The following CNNM2 variants were observed in gnomAD, a reference collection of about 807,000 sequenced individuals.
CNNM2 encodes the protein cyclin and CBS domain divalent metal cation transport mediator 2, also known as metal transporter CNNM2.
In CNNM2, 12 loss-of-function variants were observed where a neutral mutation model predicts 66.9. The ratio of observed to expected loss-of-function variants is 0.18; its 90% confidence interval spans 0.11 to 0.29. CNNM2 has a LOEUF of 0.29. Ranked by LOEUF, CNNM2 falls within the 10% of genes least tolerant of loss-of-function variation. The pLI, the probability that CNNM2 is intolerant of heterozygous loss-of-function variation, is 1.00. For missense variants in CNNM2, 705 were observed against 1,167.7 expected (o/e 0.60, Z 5.77); for synonymous variants, 557 against 501.8 (o/e 1.11, Z -1.47).
intron 4 of CNNM2, among the ~76,000 whole-genome samples, chr10:103,062,363 A>G (rs1052768840): frequency 1.3e-5 from 2 of 152,186 alleles, no homozygotes; most frequent in Admixed American, 1.3e-4. Context: ...TTAAGCTTTT[A>G]ATAGCAACCT....
chr10:102,978,577 T>C (rs139418228), intron 1 of CNNM2, among the ~76,000 whole-genome samples: 1 of 152,324 alleles, frequency 6.6e-6, no homozygotes, highest in East Asian at 1.9e-4. Context: ...CTTGCTGTTT[T>C]ATCTTTGCCT....
chr10:103,068,746 A>G (rs776125123), intron 5 of CNNM2, 24 bp downstream of exon 5: 1 of 1,569,332 alleles, frequency 6.4e-7, no homozygotes, highest in South Asian at 1.1e-5. Context: ...CCAGCCGCAT[A>G]GGGCAGGACC....
intron 6 of CNNM2, among the ~76,000 whole-genome samples, chr10:103,073,868 C>CAAAAAAAAAAA (rs61331007): frequency 1.4e-5 from 1 of 70,240 alleles, no homozygotes; most frequent in Admixed American, 2.2e-4. Context: ...GACTCCGTCT[C>CAAAAAAAAAAA]AAAAAAAAAA....
chr10:102,918,438 C>A lies in CNNM2; in HGVS notation c.-43C>A. ...CAGGGGCCGGTACCTGCGCTCGCGC[C>A]GCCGGGTTGAAAGGATGAAGCCGCA... On this transcript the variant is annotated 5_prime_UTR_variant, in exon 1 of 8. Coordinates refer to ENST00000369878, the MANE Select transcript of CNNM2 (RefSeq NM_017649.5). This position sits in a 1 kb window ranked among gnomAD's most constrained non-coding sequence, Gnocchi z 4.1. 6.3e-7 allele frequency: 1 copy of A among 1,579,048 alleles called. No homozygotes were observed. Among genetic ancestry groups the A allele is most frequent in the Middle Eastern group, 1.7e-4 (1 of 5,762 alleles).
intron 1 of CNNM2, among the ~76,000 whole-genome samples, chr10:102,992,501 G>A (rs1030223368): frequency 6.6e-6 from 1 of 151,968 alleles, no homozygotes; most frequent in African/African-American, 2.4e-5. Context: ...TCGAACTCCT[G>A]ATCTCGAAGT....
At chr10:103,075,481 C>T (rs888763275) in intron 6 of CNNM2, among the ~76,000 whole-genome samples, 1 of 152,156 alleles carries the variant, frequency 6.6e-6, no homozygotes, top group African/African-American at 2.4e-5. Context: ...ATAACTTACT[C>T]AAACTCGTTA....
intron 5 of CNNM2, among the ~76,000 whole-genome samples, chr10:103,069,116 G>A (rs552699426): frequency 7.9e-5 from 12 of 152,192 alleles, no homozygotes; most frequent in South Asian, 2.1e-4. Context: ...TCTCTGTGTC[G>A]TGCTTGTCAC....
chr10:103,012,069 A>C (rs79701627), intron 1 of CNNM2, among the ~76,000 whole-genome samples: 1 of 152,166 alleles, frequency 6.6e-6, no homozygotes, highest in East Asian at 1.9e-4. Flanking sequence ...CACACTCTTC[A>C]GAGGCAGCCA....
intron 1 of CNNM2, among the ~76,000 whole-genome samples, chr10:102,987,434 CCCCAGCCT>C (rs2063817543): frequency 6.6e-6 from 1 of 152,114 alleles, no homozygotes; most frequent in Non-Finnish European, 1.5e-5. Flanking sequence ...CATTCTCCTG[CCCCAGCCT>C]CCTGAGTAGC....
At chr10:102,934,783 G>C (rs563097738) in intron 1 of CNNM2, among the ~76,000 whole-genome samples, 2 of 151,558 alleles carry the variant, frequency 1.3e-5, no homozygotes, top group African/African-American at 2.4e-5. Context: ...GTTCAAGGCT[G>C]CAGTGAGCAA....
intron 1 of CNNM2, among the ~76,000 whole-genome samples, chr10:102,973,821 C>A (rs1036942470): frequency 6.7e-6 from 1 of 148,390 alleles, no homozygotes; most frequent in Non-Finnish European, 1.5e-5. Context: ...TGTATTCCCC[C>A]CCCCCCTTTT....
intron 1 of CNNM2, chr10:103,027,565 A>G (rs1191268986): frequency 6.6e-6 from 1 of 152,212 alleles, no homozygotes; most frequent in Non-Finnish European, 1.5e-5. Flanking sequence ...GCTATATTGA[A>G]CTTTAAAGCA....
intron 1 of CNNM2, among the ~76,000 whole-genome samples, chr10:102,936,436 C>T (rs1564812040): frequency 6.6e-6 from 1 of 151,292 alleles, no homozygotes; most frequent in African/African-American, 2.4e-5. Flanking sequence ...TTAGTCATTG[C>T]TTTTCATCTT....
At chr10:102,950,353 G>A (rs1310640773) in intron 1 of CNNM2, among the ~76,000 whole-genome samples, 2 of 152,162 alleles carry the variant, frequency 1.3e-5, no homozygotes, top group East Asian at 1.9e-4. Context: ...TAATTCACTT[G>A]TGGAAATAAT....
rs969932930 is a variant in CNNM2 at position 103,085,237 on chromosome 10, A to G, written c.*8057A>G. On this transcript the variant is annotated 3_prime_UTR_variant, in exon 8 of 8. Coordinates refer to ENST00000369878, the MANE Select transcript of CNNM2 (RefSeq NM_017649.5). ...ATGATAGGAAATTTTAGATGGGGCC[A>G]GTTTTCCTACTGCAGTTCTACTAAG... 11 of 152,228 alleles carry G rather than the reference A, an allele frequency of 7.2e-5. No individual in the cohort carries two copies. The highest frequency in any genetic ancestry group is 2.4e-4 in the African/African-American group (10 of 41,452). 9.4% of individuals were successfully genotyped at this position (152,228 alleles called of 1,614,324 possible).
At chr10:103,032,497 A>G (rs2064846808) in intron 1 of CNNM2, among the ~76,000 whole-genome samples, 1 of 151,836 alleles carries the variant, frequency 6.6e-6, no homozygotes, top group African/African-American at 2.4e-5. Flanking sequence ...TTTTAACAGT[A>G]CTGCAAATTT....
rs113581864 is a variant in CNNM2, at chr10:102,949,554, C to A, written c.1621+29453C>A. Among the ~76,000 whole-genome samples the A allele has an allele frequency of 0.015, 2,256 of 151,934 alleles. 57 individuals are homozygous for A. Among genetic ancestry groups the A allele is most frequent in the African/African-American group, 0.051 (2,102 of 41,494 alleles). On this transcript the variant is annotated intron_variant, in intron 1 of 7. Coordinates refer to ENST00000369878, the MANE Select transcript of CNNM2 (RefSeq NM_017649.5). ...ATTCTAGCACTTTGGGAGGCCGAGA[C>A]AGGCAGATCACTTGAGGTCAGAAGT...
chr10:102,970,841 T>C (rs1402544734), intron 1 of CNNM2, among the ~76,000 whole-genome samples: 1 of 152,196 alleles, frequency 6.6e-6, no homozygotes, highest in Non-Finnish European at 1.5e-5. Context: ...AAGAGACTTA[T>C]TGAAAGATTC....
chr10:102,980,170 T>C (rs2063697982), intron 1 of CNNM2, among the ~76,000 whole-genome samples: 1 of 152,208 alleles, frequency 6.6e-6, no homozygotes, highest in Non-Finnish European at 1.5e-5. Flanking sequence ...TCAGAACTCC[T>C]GACCTCAAGT....
Sources: allele counts gnomAD v4.1 joint callset (sites outside exome capture counted in the v4.1 genomes callset), GRCh38; gene constraint gnomAD v4.1.1; non-coding constraint Gnocchi (gnomAD v3.1); transcripts MANE v1.5; gene names NCBI Gene and HGNC (gene_info 2026-07-23, HGNC 2026-07-21).